GPCPD1: variants seen among roughly 807,000 people sequenced by gnomAD.
GPCPD1 encodes glycerophosphocholine phosphodiesterase 1.
A neutral mutation model predicts 89.2 loss-of-function variants in GPCPD1; 29 were observed. That is an observed-to-expected ratio of 0.33 (90% CI 0.24 to 0.44). GPCPD1 has a LOEUF of 0.44. GPCPD1 is among the 20% of genes least tolerant of loss of function. GPCPD1 has a pLI of 1.00. For synonymous variants in GPCPD1, 258 were observed against 266.3 expected (o/e 0.97, Z 0.30); for missense variants, 594 against 808.9 (o/e 0.73, Z 3.22).
intron 3 of GPCPD1, among the ~76,000 whole-genome samples, chr20:5,595,815 G>GT (rs1979684337): frequency 2.0e-5 from 3 of 151,334 alleles, no homozygotes; most frequent in Non-Finnish European, 4.4e-5. Flanking sequence ...AAGGGGGGGG[G>GT]ACAAATTCCC....
intron 11 of GPCPD1, among the ~76,000 whole-genome samples, chr20:5,572,383 A>T (rs1305374077): frequency 6.6e-6 from 1 of 152,228 alleles, no homozygotes; most frequent in Admixed American, 6.5e-5. Context: ...AGATGTCATG[A>T]ATTTTAAAAT....
In GPCPD1 at chr20:5,604,774, TACACACACACAC is replaced by T. The variant is rs11466989; in HGVS notation, c.-28-346_-28-335del. ...GGGCAATATAGTGAGGCCTCATGTC[TACACACACACAC>T]ACACACACACACACACACACGCCAG... On this transcript the variant is annotated intron_variant, in intron 1 of 19. Transcript: ENST00000379019. Among the ~76,000 whole-genome samples, 6 of 139,178 alleles carry T rather than the reference TACACACACACAC, an allele frequency of 4.3e-5. No homozygotes were observed. The South Asian group carries it at 7.4e-4, about 17-fold the overall frequency. The allele number at this position is 139,178 out of a possible 152,430, so 91.3% of individuals were successfully genotyped here. A position where few individuals can be genotyped will look rare whatever the true frequency, so the allele number is the denominator to read the frequency against.
intron 19 of GPCPD1, among the ~76,000 whole-genome samples, chr20:5,555,368 G>A (rs1000473843): frequency 6.6e-6 from 1 of 152,032 alleles, no homozygotes; most frequent in African/African-American, 2.4e-5. Flanking sequence ...GTGAAACCCT[G>A]TCTCTACCAA....
At chr20:5,551,237 C>T (rs1442180753) in intron 19 of GPCPD1, among the ~76,000 whole-genome samples, 1 of 152,196 alleles carries the variant, frequency 6.6e-6, no homozygotes, top group Non-Finnish European at 1.5e-5. Context: ...GTCACACAAA[C>T]AGTTCGGAAA....
chr20:5,596,039 G>A (rs1039845251), intron 3 of GPCPD1, among the ~76,000 whole-genome samples: 1 of 152,112 alleles, frequency 6.6e-6, no homozygotes, highest in African/African-American at 2.4e-5. Flanking sequence ...ACCACTAAAT[G>A]AAAACAAGAG....
chr20:5,568,220 A>AATATACTTAGTATATATAT (rs1986501787), intron 12 of GPCPD1, among the ~76,000 whole-genome samples: 2 of 136,966 alleles, frequency 1.5e-5, no homozygotes, highest in East Asian at 2.2e-4. Context: ...CTGTCCAACA[A>AATATACTTAGTATATATAT]ATATACTTAG....
intron 4 of GPCPD1, among the ~76,000 whole-genome samples, chr20:5,591,453 G>A (rs577878672): frequency 1.3e-5 from 2 of 152,198 alleles, no homozygotes; most frequent in African/African-American, 4.8e-5. Flanking sequence ...GTCCATAATC[G>A]CAAAACTTTT....
chr20:5,588,296 G>A (rs1265380184), intron 4 of GPCPD1, among the ~76,000 whole-genome samples: 3 of 152,108 alleles, frequency 2.0e-5, no homozygotes, highest in Non-Finnish European at 4.4e-5. Flanking sequence ...CTTGAGGTCA[G>A]CAGTTTGAGA....
chr20:5,570,282 A>T, intron 11 of GPCPD1, 43 bp from the exon 12 acceptor site: 4 of 944,960 alleles, frequency 4.2e-6, no homozygotes, highest in South Asian at 1.4e-5. Flanking sequence ...TGCCTGGTAC[A>T]CAGTACCTCT....
chr20:5,606,996 C>T (rs1451808800), intron 1 of GPCPD1, among the ~76,000 whole-genome samples: 1 of 152,178 alleles, frequency 6.6e-6, no homozygotes, highest in Non-Finnish European at 1.5e-5. Context: ...TAGTGCAAAC[C>T]TTCCCTTTGG....
chr20:5,608,737 C>A (rs16991129), intron 1 of GPCPD1, among the ~76,000 whole-genome samples: 5,040 of 152,210 alleles, frequency 0.033, 190 homozygotes, highest in East Asian at 0.16. Context: ...GATAATTTAA[C>A]CAACTCGCCT....
At chr20:5,564,584 T>C (rs1167071501) in intron 15 of GPCPD1, among the ~76,000 whole-genome samples, 2 of 152,128 alleles carry the variant, frequency 1.3e-5, no homozygotes, top group Admixed American at 6.5e-5. Context: ...TCTCAACCCT[T>C]GGGGAGGCTG....
chr20:5,559,956 C>T lies in GPCPD1; in HGVS notation c.1516G>A (p.Ala506Thr). Residue 506 changes from alanine (A) to threonine (T), a missense_variant, in exon 17 of 20, where the codon GCA (alanine) becomes ACA (threonine). Physicochemically the swap from Ala to Thr is moderately conservative, Grantham distance 58. Transcript: ENST00000379019. ...ATTACTCACATTGTGCAAATATCTG[C>T]ATCAAATGAAGAAAACACTATTCTC... ...KRRIVFSSFD[A>T]DICTMVRQKQ... 1 of 1,545,854 alleles carries T rather than the reference C, an allele frequency of 6.5e-7. No homozygotes were observed.
chr20:5,597,987 T>C (rs1201166329), intron 3 of GPCPD1, among the ~76,000 whole-genome samples: 1 of 152,102 alleles, frequency 6.6e-6, no homozygotes, highest in Non-Finnish European at 1.5e-5. Flanking sequence ...AGATCTCTTA[T>C]CAAGAATATG....
chr20:5,552,062 C>A (rs1421562454), intron 19 of GPCPD1, among the ~76,000 whole-genome samples: 1 of 151,956 alleles, frequency 6.6e-6, no homozygotes, highest in Non-Finnish European at 1.5e-5. Context: ...ACGGTCTCAG[C>A]CAGAGACAAT....
chr20:5,597,080 A>C (rs1364538141), intron 3 of GPCPD1, among the ~76,000 whole-genome samples: 1 of 152,216 alleles, frequency 6.6e-6, no homozygotes, highest in African/African-American at 2.4e-5. Context: ...CGAAGAAAAA[A>C]TAGCCACTTG....
At chr20:5,609,134 T>G (rs1408190601) in intron 1 of GPCPD1, among the ~76,000 whole-genome samples, 1 of 152,102 alleles carries the variant, frequency 6.6e-6, no homozygotes, top group African/African-American at 2.4e-5. Flanking sequence ...AGCTAAAGTG[T>G]TTTTTTGGCT....
intron 19 of GPCPD1, among the ~76,000 whole-genome samples, chr20:5,550,368 T>A (rs1447133214): frequency 6.7e-6 from 1 of 150,202 alleles, no homozygotes; most frequent in Non-Finnish European, 1.5e-5. Context: ...CAAAAAGACT[T>A]CTATAAAGAA....
At chr20:5,563,597 C>T (rs1328226621) in intron 15 of GPCPD1, among the ~76,000 whole-genome samples, 1 of 151,486 alleles carries the variant, frequency 6.6e-6, no homozygotes, top group African/African-American at 2.4e-5. Flanking sequence ...CAGCCTCAAC[C>T]TCCTGAGCTT....
Sources: gnomAD v4.1 joint callset for allele counts (sites outside exome capture counted in the v4.1 genomes callset) on GRCh38, gnomAD v4.1.1 for gene constraint, MANE v1.5 for transcripts, NCBI Gene and HGNC (gene_info 2026-07-23, HGNC 2026-07-21) for gene names.